CTNND2: variants seen among roughly 807,000 people sequenced by gnomAD.
The protein encoded by CTNND2 is catenin delta-2.
A neutral mutation model predicts 144.4 loss-of-function variants in CTNND2; 22 were observed. The ratio of observed to expected loss-of-function variants is 0.15; its 90% CI spans 0.11 to 0.22. The LOEUF (loss-of-function observed/expected upper bound fraction) is 0.22, where lower values mean the gene tolerates loss of function less well. Among genes scored for constraint, CTNND2 ranks in the 10% least tolerant of loss-of-function variants. The pLI is 1.00. For missense variants in CTNND2, 1,353 were observed against 1,618.8 expected (o/e 0.84, Z 2.82); for synonymous variants, 751 against 695.6 (o/e 1.08, Z -1.25).
intron 2 of CTNND2, among the ~76,000 whole-genome samples, chr5:11,589,867 C>T (rs888673972): frequency 2.2e-4 from 33 of 152,134 alleles, no homozygotes; most frequent in Admixed American, 6.5e-5. Context: ...TGAGTATTAA[C>T]AAGATGATAT....
At chr5:11,010,299 C>T (rs909505141) in intron 18 of CTNND2, among the ~76,000 whole-genome samples, 2 of 152,168 alleles carry the variant, frequency 1.3e-5, no homozygotes, top group South Asian at 4.1e-4. Flanking sequence ...CTTAGATACC[C>T]AGAAAGTAGA....
chr5:11,371,887 AGT>A (rs1369698482), intron 7 of CTNND2, among the ~76,000 whole-genome samples: 1 of 152,222 alleles, frequency 6.6e-6, no homozygotes, highest in Non-Finnish European at 1.5e-5. Context: ...AAATAATTCC[AGT>A]GTAACAGGCC....
chr5:11,285,491 A>G (rs1404185328), intron 9 of CTNND2, among the ~76,000 whole-genome samples: 1 of 152,230 alleles, frequency 6.6e-6, no homozygotes, highest in Non-Finnish European at 1.5e-5. Context: ...TAGAGGATAA[A>G]CACAAAAGTG....
intron 3 of CTNND2, among the ~76,000 whole-genome samples, chr5:11,550,210 C>T (rs191967293): frequency 4.5e-4 from 68 of 152,330 alleles, no homozygotes; most frequent in African/African-American, 1.6e-3. Context: ...TTTCCAATTA[C>T]ACATCACTAG....
chr5:11,742,828 T>C (rs551184596), intron 1 of CTNND2, among the ~76,000 whole-genome samples: 1 of 152,322 alleles, frequency 6.6e-6, no homozygotes, highest in East Asian at 1.9e-4. Context: ...TTTATGCATA[T>C]TAGGGTACAC....
intron 7 of CTNND2, among the ~76,000 whole-genome samples, chr5:11,372,156 T>G (rs1019653049): frequency 6.6e-6 from 1 of 152,208 alleles, no homozygotes; most frequent in African/African-American, 2.4e-5. Context: ...TTTTACAAAA[T>G]GAATACTGTA....
rs537339612 is a variant in CTNND2 at position 11,573,428 on chromosome 5, T to C, written c.175-8372A>G. Among the ~76,000 whole-genome samples, 11 of 152,280 alleles carry C rather than the reference T, an allele frequency of 7.2e-5. No homozygotes were observed. The South Asian group carries it at 1.7e-3, about 23-fold the overall frequency. On this transcript the variant is annotated intron_variant, in intron 2 of 21. Coordinates refer to ENST00000304623, the MANE Select transcript of CTNND2 (RefSeq NM_001332.4). ...GAGTTGACTCTACAGCCACGTCTCT[T>C]GGCAATGTTAATTTTACCCCACTGA... is the stretch of plus-strand genomic sequence containing the variant.
chr5:11,178,299 C>A (rs571128024), intron 11 of CTNND2, among the ~76,000 whole-genome samples: 2 of 152,282 alleles, frequency 1.3e-5, no homozygotes, highest in East Asian at 3.9e-4. Context: ...AAGGAGAACA[C>A]AACAGTGGTT....
intron 9 of CTNND2, among the ~76,000 whole-genome samples, chr5:11,274,480 GA>G (rs1054591054): frequency 6.7e-6 from 1 of 150,186 alleles, no homozygotes; most frequent in African/African-American, 2.4e-5. Flanking sequence ...GCCCAAGATA[GA>G]AAAAAAATGT....
intron 16 of CTNND2, among the ~76,000 whole-genome samples, chr5:11,079,075 C>T (rs1749260526): frequency 6.6e-6 from 1 of 150,866 alleles, no homozygotes; most frequent in Non-Finnish European, 1.5e-5. Flanking sequence ...GAAAAAGTGG[C>T]TGCTTCCCAG....
intron 3 of CTNND2, among the ~76,000 whole-genome samples, chr5:11,535,616 T>A (rs955426279): frequency 1.3e-5 from 2 of 152,220 alleles, no homozygotes; most frequent in Non-Finnish European, 2.9e-5. Context: ...CATGACTCCA[T>A]CTGCAATCAC....
In CTNND2 at chr5:11,159,572, T is replaced by C; in HGVS notation, c.2159+4A>G. 1.2e-6 allele frequency: 2 copies of C among 1,605,628 alleles called. No homozygotes were observed. The highest frequency in any genetic ancestry group is 2.2e-5 in the South Asian group (2 of 88,932). ...GGAGGAGGCACTCGTGACACAGGAC[T>C]GACCTTAGGCACCCGGTGGCGTTAC... is the stretch of plus-strand genomic sequence containing the variant. On this transcript the variant is annotated splice_donor_region_variant and intron_variant, in intron 12 of 21. Transcript: ENST00000304623.
intron 2 of CTNND2, among the ~76,000 whole-genome samples, chr5:11,704,131 T>C (rs1785584671): frequency 6.6e-6 from 1 of 152,238 alleles, no homozygotes; most frequent in Admixed American, 6.5e-5. Context: ...AGACTAGATG[T>C]AGTCAAGCTT....
At chr5:11,724,497 C>T (rs1386186019) in intron 2 of CTNND2, among the ~76,000 whole-genome samples, 2 of 152,074 alleles carry the variant, frequency 1.3e-5, no homozygotes, top group Admixed American at 1.3e-4. Flanking sequence ...ATAAAAGTGG[C>T]TGTTTTGTTA....
chr5:11,799,749 C>T (rs1408793906), intron 1 of CTNND2, among the ~76,000 whole-genome samples: 1 of 152,120 alleles, frequency 6.6e-6, no homozygotes, highest in African/African-American at 2.4e-5. Context: ...TCTAACTGCA[C>T]AGACAGTGAT....
chr5:11,623,309 G>A lies in CTNND2; in HGVS notation c.175-58253C>T, dbSNP rs1780947217. ...CTACTTGTTACGAGAGGGACTTGGT[G>A]GGAGATAATTGAACTATGGGAGTGG... is the stretch of plus-strand genomic sequence containing the variant. On this transcript the variant is annotated intron_variant, in intron 2 of 21. Coordinates refer to ENST00000304623, the MANE Select transcript of CTNND2 (RefSeq NM_001332.4). Among the ~76,000 whole-genome samples the A allele has an allele frequency of 2.0e-5, 3 of 152,048 alleles. No homozygotes were observed. The South Asian group carries it at 6.2e-4, about 32-fold the overall frequency.
Position 11,199,625 on chromosome 5 carries a change from G to A in CTNND2, c.1798C>T (p.Leu600=). The change falls in exon 11 of 22, where the codon CTG becomes TTG. Residue 600 remains leucine (L), a synonymous_variant. Transcript: ENST00000304623. ...RQGGIQLLVD[L]LDHRMTEVHR... ...ACTTCGGTCATCCGATGATCCAACAGGTCCACCAGGAGCTGGATGCCTCCT... is the reference window on the plus strand; with the variant it reads ...ACTTCGGTCATCCGATGATCCAACAAGTCCACCAGGAGCTGGATGCCTCCT... 2 of 1,614,176 alleles carry A rather than the reference G, an allele frequency of 1.2e-6. No homozygotes were observed. Among genetic ancestry groups the A allele is most frequent in the Non-Finnish European group, 1.7e-6 (2 of 1,180,034 alleles).
At chr5:11,642,602 T>C (rs997758933) in intron 2 of CTNND2, among the ~76,000 whole-genome samples, 6 of 152,236 alleles carry the variant, frequency 3.9e-5, no homozygotes, top group African/African-American at 1.4e-4. Flanking sequence ...GGCTGCGAGA[T>C]GAGGGCCAAG....
At chr5:11,197,199 A>G (rs1226444154) in intron 11 of CTNND2, among the ~76,000 whole-genome samples, 1 of 152,206 alleles carries the variant, frequency 6.6e-6, no homozygotes, top group African/African-American at 2.4e-5. Context: ...GCAACTTCAG[A>G]AACCATGAAG....
Sources: gnomAD v4.1 joint callset for allele counts (sites outside exome capture counted in the v4.1 genomes callset) on GRCh38, gnomAD v4.1.1 for gene constraint, MANE v1.5 for transcripts, NCBI Gene and HGNC (gene_info 2026-07-23, HGNC 2026-07-21) for gene names.